DNAJB13: variants seen among roughly 807,000 people sequenced by gnomAD.
The protein encoded by DNAJB13 is DnaJ heat shock protein family (Hsp40) member B13.
A neutral mutation model predicts 35.6 loss-of-function variants in DNAJB13; 22 were observed. The observed-to-expected ratio is 0.62, with a 90% CI of 0.44 to 0.88. The LOEUF (loss-of-function observed/expected upper bound fraction) is 0.88. DNAJB13 is among the 40% of genes least tolerant of loss of function. The probability of loss-of-function intolerance (pLI) is 0.00; values close to 1 mark genes in which losing one functional copy is unlikely to be tolerated. For missense variants in DNAJB13, 370 were observed against 384.3 expected (o/e 0.96, Z 0.31); for synonymous variants, 136 against 144.2 (o/e 0.94, Z 0.41).
chr11:73,965,839 A>C (rs1951099970), intron 4 of DNAJB13: 2 of 371,918 alleles, frequency 5.4e-6, no homozygotes, highest in Non-Finnish European at 5.0e-6. Context: ...TGATCAACTA[A>C]TGGTGACTGC....
rs1491290663 is a variant in DNAJB13 at position 73,964,812 on chromosome 11, T to TGTGTGTGTGTGC, written c.335-65_335-64insTGTGTGTGTGCG. On this transcript the variant is annotated intron_variant, in intron 3 of 7. Transcript: ENST00000339764. ...GTGTGTGTGTGTGTGTGTGTGTGTG[T>TGTGTGTGTGTGC]GCGCGCGCGCGCATGTCTGGGTCTC... 2.1e-5 allele frequency: 15 copies of TGTGTGTGTGTGC among 698,276 alleles called. No homozygotes were observed. In the East Asian group the frequency reaches 2.5e-4, roughly 12 times the overall value. The allele number at this position is 698,276 out of a possible 1,614,324, so 43.3% of individuals were successfully genotyped here. A position where few individuals can be genotyped will look rare whatever the true frequency, so the allele number is the denominator to read the frequency against.
intron 3 of DNAJB13, among the ~76,000 whole-genome samples, chr11:73,961,267 G>A (rs1950925457): frequency 6.6e-6 from 1 of 152,124 alleles, no homozygotes; most frequent in Non-Finnish European, 1.5e-5. Context: ...GTGACAGATT[G>A]AGACCTTGTC....
intron 2 of DNAJB13, among the ~76,000 whole-genome samples, chr11:73,958,934 G>A (rs1950841899): frequency 1.3e-5 from 2 of 152,188 alleles, no homozygotes; most frequent in African/African-American, 4.8e-5. Flanking sequence ...CCCCGCCCCG[G>A]CACCCAGGGC....
rs1029813675 is a variant in DNAJB13, at chr11:73,970,202, C to T, written c.*88C>T. 2.0e-6 allele frequency: 3 copies of T among 1,468,818 alleles called. No homozygotes were observed. Among genetic ancestry groups the T allele is most frequent in the Non-Finnish European group, 2.7e-6 (3 of 1,100,602 alleles). The allele number at this position is 1,468,818 out of a possible 1,614,324, so 91.0% of individuals were successfully genotyped here. On this transcript the variant is annotated 3_prime_UTR_variant, in exon 8 of 8. Coordinates refer to ENST00000339764, the MANE Select transcript of DNAJB13 (RefSeq NM_153614.4). ...CACAGCCTCAGGGTGTGCAGGGGAG[C>T]CTGCTGCACAGATATGATACAAGGG...
At chr11:73,953,979 T>G (rs1950654340) in intron 1 of DNAJB13, among the ~76,000 whole-genome samples, 1 of 143,524 alleles carries the variant, frequency 7.0e-6, no homozygotes, top group African/African-American at 2.6e-5. Context: ...AGAGCGAGAC[T>G]CTGTCTCAAA....
intron 7 of DNAJB13, 27 bp from the exon 8 acceptor site, chr11:73,969,934 A>C (rs781560031): frequency 1.3e-6 from 2 of 1,595,328 alleles, no homozygotes; most frequent in African/African-American, 2.7e-5. Context: ...GATGCCCTCT[A>C]TGCTCCTTTC....
intron 1 of DNAJB13, among the ~76,000 whole-genome samples, chr11:73,956,971 G>A (rs2135290195): frequency 6.6e-6 from 1 of 152,262 alleles, no homozygotes. Context: ...GGAATAAGAA[G>A]AGAAGCTGTG....
chr11:73,964,765 C>CTGTGTGTGTGTG (rs3222042), intron 3 of DNAJB13, 113 bp from the exon 4 acceptor site: 149 of 659,698 alleles, frequency 2.3e-4, no homozygotes, highest in East Asian at 1.8e-3. Flanking sequence ...GATAGGGAGG[C>CTGTGTGTGTGTG]TGTGTGTGTG....
At position 73,954,811 on chromosome 11, in the gene DNAJB13, C is replaced by T. The variant is rs1028195082; in HGVS notation, c.69-3506C>T. The stretch of plus-strand genomic sequence containing the variant: ...TCTCTACTAAAAAAAATTAGCCAGG[C>T]GTGGTGACGGGTACCTGTAATCCCA... On this transcript the variant is annotated intron_variant, in intron 1 of 7. Transcript: ENST00000339764. Among the ~76,000 whole-genome samples, 7 of 151,712 alleles carry T rather than the reference C, an allele frequency of 4.6e-5. No homozygotes were observed. The South Asian group carries it at 8.3e-4, about 18-fold the overall frequency.
In DNAJB13 at chr11:73,958,773, G is replaced by A. The variant is rs1950834998; in HGVS notation, c.172+353G>A. Among the ~76,000 whole-genome samples, 2 of 152,200 alleles carry A rather than the reference G, an allele frequency of 1.3e-5. 1 individual carries two copies. The highest frequency in any genetic ancestry group is 4.1e-4 in the South Asian group (2 of 4,832). ...CGGGGAAGAAAGCTGAAGCTGGGCAGGCGTGCCCACCTGTCCCTCCCAGAG... is the reference window on the plus strand; with the variant it reads ...CGGGGAAGAAAGCTGAAGCTGGGCAAGCGTGCCCACCTGTCCCTCCCAGAG... On this transcript the variant is annotated intron_variant, in intron 2 of 7. Transcript: ENST00000339764.
At chr11:73,954,908 G>A (rs989236756) in intron 1 of DNAJB13, among the ~76,000 whole-genome samples, 7 of 152,008 alleles carry the variant, frequency 4.6e-5, no homozygotes, top group African/African-American at 1.7e-4. Context: ...CCAAGATTGA[G>A]TCATTGTACT....
Position 73,951,091 on chromosome 11 carries a change from G to A in DNAJB13, c.22G>A (p.Val8Met). The change falls in exon 1 of 8, where the codon GTG becomes ATG. Residue 8 changes from valine to methionine, a missense_variant. Physicochemically the swap from Val to Met is conservative, Grantham distance 21 (BLOSUM62 1). Transcript: ENST00000339764. Reference sequence around the variant, plus strand: ...AGCCATGGGCCAGGATTATTACTCTGTGCTCGGGATCACTCGCAATTCAGA... The same window carrying A: ...AGCCATGGGCCAGGATTATTACTCTATGCTCGGGATCACTCGCAATTCAGA... The part of the protein sequence containing the change: MGQDYYS[V>M]LGITRNSEDA... The A allele has an allele frequency of 1.2e-6, 2 of 1,614,118 alleles. No individual in the cohort carries two copies. Among genetic ancestry groups the A allele is most frequent in the Non-Finnish European group, 1.7e-6 (2 of 1,180,030 alleles).
intron 1 of DNAJB13, among the ~76,000 whole-genome samples, chr11:73,952,288 A>G (rs1202175592): frequency 6.6e-6 from 1 of 152,198 alleles, no homozygotes; most frequent in Non-Finnish European, 1.5e-5. Context: ...CTGGAGGGTG[A>G]AGAAAAGAGG....
At chr11:73,962,403 T>TG (rs879760500) in intron 3 of DNAJB13, among the ~76,000 whole-genome samples, 1 of 5,296 alleles carries the variant, frequency 1.9e-4, no homozygotes, top group African/African-American at 1.0e-3. Context: ...GACGAGCACA[T>TG]GGTGGGTGGG....
chr11:73,966,966 C>T (rs1172177085), intron 5 of DNAJB13, among the ~76,000 whole-genome samples: 1 of 151,178 alleles, frequency 6.6e-6, no homozygotes, highest in African/African-American at 2.5e-5. Context: ...TATTCTGCTG[C>T]CTCAGCTTCC....
intron 3 of DNAJB13, 136 bp downstream of exon 3, chr11:73,959,791 C>A: frequency 1.1e-6 from 1 of 910,974 alleles, no homozygotes; most frequent in Non-Finnish European, 1.5e-6. Flanking sequence ...GAGATGGAGA[C>A]TCACTCTGTT....
At chr11:73,959,733 G>A (rs1950873455) in intron 3 of DNAJB13, 78 bp downstream of exon 3, 1 of 1,350,014 alleles carries the variant, frequency 7.4e-7, no homozygotes. Context: ...GAGTAGTTTT[G>A]TTTTTATTTT....
intron 3 of DNAJB13, among the ~76,000 whole-genome samples, chr11:73,960,285 C>G (rs1262760681): frequency 6.6e-6 from 1 of 152,176 alleles, no homozygotes. Flanking sequence ...TCAAGCAGTT[C>G]TCCCTGCCTC....
chr11:73,958,500 G>A lies in DNAJB13; in HGVS notation c.172+80G>A, dbSNP rs548844823. The stretch of plus-strand genomic sequence containing the variant: ...CTAGACTGTTGGGTTTTCTGAGGGG[G>A]CCCAATAACGAGGAAGCATCCTTCT... On this transcript the variant is annotated intron_variant, in intron 2 of 7. Transcript: ENST00000339764. 2.9e-5 allele frequency: 37 copies of A among 1,285,930 alleles called. 2 individuals carry two copies. The South Asian group carries it at 4.3e-4, about 15-fold the overall frequency. 79.7% of individuals were successfully genotyped at this position (1,285,930 alleles called of 1,614,324 possible).
Sources: gnomAD v4.1 joint callset for allele counts (sites outside exome capture counted in the v4.1 genomes callset) on GRCh38, gnomAD v4.1.1 for gene constraint, MANE v1.5 for transcripts, NCBI Gene and HGNC (gene_info 2026-07-23, HGNC 2026-07-21) for gene names.